Variants in GALNTL6 observed in about 807,000 individuals in gnomAD.
The protein encoded by GALNTL6 is polypeptide N-acetylgalactosaminyltransferase like 6.
A neutral mutation model predicts 73.7 loss-of-function variants in GALNTL6; 46 were observed. The ratio of observed to expected loss-of-function variants is 0.62; its 90% CI spans 0.49 to 0.80. The LOEUF is 0.80. GALNTL6 is among the 30% of genes least tolerant of loss of function. The pLI, the probability that GALNTL6 is intolerant of heterozygous loss-of-function variation, is 0.00. For synonymous variants in GALNTL6, 259 were observed against 263.7 expected, an observed-to-expected ratio of 0.98 and a Z score of 0.17; for missense variants, 604 against 755.0, an observed-to-expected ratio of 0.80 and a Z score of 2.34.
intron 5 of GALNTL6, among the ~76,000 whole-genome samples, chr4:172,701,345 G>C (rs2111291820): frequency 6.6e-6 from 1 of 152,208 alleles, no homozygotes; most frequent in East Asian, 1.9e-4. Context: ...GCAAACAATT[G>C]AAATAGATTC....
chr4:172,533,620 C>G (rs338039), intron 5 of GALNTL6, among the ~76,000 whole-genome samples: 152,065 of 152,188 alleles, frequency 1, 75,971 homozygotes, highest in Middle Eastern at 1. Flanking sequence ...ACCACACTCG[C>G]CAGTAATAAA....
chr4:172,410,889 A>T (rs1327762758), intron 5 of GALNTL6, among the ~76,000 whole-genome samples: 1 of 152,094 alleles, frequency 6.6e-6, no homozygotes, highest in Admixed American at 6.6e-5. Flanking sequence ...TAGAAAATAA[A>T]ATATCTTTAT....
intron 5 of GALNTL6, among the ~76,000 whole-genome samples, chr4:172,802,819 A>C (rs796578072): frequency 8.6e-5 from 13 of 151,874 alleles, no homozygotes; most frequent in African/African-American, 3.1e-4. Flanking sequence ...ACAAACAACA[A>C]CAACAACAAC....
At chr4:172,737,989 T>C (rs1371615634) in intron 5 of GALNTL6, among the ~76,000 whole-genome samples, 1 of 152,160 alleles carries the variant, frequency 6.6e-6, no homozygotes, top group Non-Finnish European at 1.5e-5. Context: ...TTAGTTAGAC[T>C]CTCCTTTGGC....
intron 8 of GALNTL6, among the ~76,000 whole-genome samples, chr4:172,918,446 G>T (rs148907686): frequency 6.6e-6 from 1 of 151,422 alleles, no homozygotes; most frequent in Non-Finnish European, 1.5e-5. Flanking sequence ...CTACATCAAG[G>T]TCAGCAGCCT....
intron 5 of GALNTL6, among the ~76,000 whole-genome samples, chr4:172,367,536 A>C (rs972150613): frequency 6.6e-6 from 1 of 152,126 alleles, no homozygotes; most frequent in Non-Finnish European, 1.5e-5. Context: ...GAATTTCTGC[A>C]TACAGTCTGT....
At chr4:172,845,294 T>G (rs1263069892) in intron 7 of GALNTL6, among the ~76,000 whole-genome samples, 4 of 151,994 alleles carry the variant, frequency 2.6e-5, no homozygotes, top group Non-Finnish European at 5.9e-5. Context: ...GAGAATCAAT[T>G]GCGTAAAAAA....
chr4:172,958,800 C>T (rs1265585791), intron 10 of GALNTL6, among the ~76,000 whole-genome samples: 2 of 151,892 alleles, frequency 1.3e-5, no homozygotes, highest in East Asian at 1.9e-4. Context: ...TAAGTGAAAG[C>T]GAAGAGAGGC....
chr4:171,825,434 A>G (rs528125889), intron 2 of GALNTL6, among the ~76,000 whole-genome samples: 3 of 152,292 alleles, frequency 2.0e-5, no homozygotes, highest in South Asian at 4.1e-4. Context: ...CATTTTTCAG[A>G]TAGCCTAGCA....
At chr4:172,296,604 C>T (rs1330671119) in intron 3 of GALNTL6, among the ~76,000 whole-genome samples, 2 of 152,082 alleles carry the variant, frequency 1.3e-5, no homozygotes. Context: ...TGAGTGAGAA[C>T]ATGTGGTGTT....
At chr4:172,611,339 G>A (rs773615214) in intron 5 of GALNTL6, among the ~76,000 whole-genome samples, 4 of 151,908 alleles carry the variant, frequency 2.6e-5, no homozygotes, top group Non-Finnish European at 4.4e-5. Context: ...TCCACAGTTA[G>A]CATTACCTTA....
chr4:172,204,811 A>G (rs1736057040), intron 2 of GALNTL6, among the ~76,000 whole-genome samples: 1 of 152,174 alleles, frequency 6.6e-6, no homozygotes, highest in South Asian at 2.1e-4. Context: ...TCCTTTGCCA[A>G]CTCATTAAAT....
chr4:171,963,221 G>A (rs528772825), intron 2 of GALNTL6, among the ~76,000 whole-genome samples: 37 of 152,122 alleles, frequency 2.4e-4, no homozygotes, highest in Middle Eastern at 3.4e-3. Context: ...CATTTTATTT[G>A]TGCCATTAAT....
intron 5 of GALNTL6, among the ~76,000 whole-genome samples, chr4:172,730,969 A>G (rs915816784): frequency 6.6e-6 from 1 of 151,886 alleles, no homozygotes; most frequent in African/African-American, 2.4e-5. Flanking sequence ...ACTCCCAGCT[A>G]CTTGGGAGGC....
At chr4:172,604,502 A>G (rs1329095117) in intron 5 of GALNTL6, among the ~76,000 whole-genome samples, 1 of 152,236 alleles carries the variant, frequency 6.6e-6, no homozygotes. Flanking sequence ...GTCAAAATGC[A>G]TAAAGAAAAA....
chr4:172,457,372 T>G (rs1732436792), intron 5 of GALNTL6, among the ~76,000 whole-genome samples: 1 of 152,112 alleles, frequency 6.6e-6, no homozygotes, highest in Non-Finnish European at 1.5e-5. Context: ...ATATTAACCT[T>G]AAATATAAAT....
At chr4:173,032,926 T>C (rs904769994) in intron 12 of GALNTL6, among the ~76,000 whole-genome samples, 1 of 152,208 alleles carries the variant, frequency 6.6e-6, no homozygotes, top group African/African-American at 2.4e-5. Context: ...GAAGGAGGGT[T>C]TGAAGGTTTG....
intron 3 of GALNTL6, among the ~76,000 whole-genome samples, chr4:172,296,407 C>A (rs370878384): frequency 6.6e-6 from 1 of 152,138 alleles, no homozygotes; most frequent in Non-Finnish European, 1.5e-5. Flanking sequence ...TACATGTGCA[C>A]AACGTGCAGG....
At chr4:172,316,646 T>C (rs1740569507) in intron 4 of GALNTL6, among the ~76,000 whole-genome samples, 1 of 152,242 alleles carries the variant, frequency 6.6e-6, no homozygotes, top group Non-Finnish European at 1.5e-5. Context: ...TATACCAGAC[T>C]AATGTAGTCC....
Sources: allele counts gnomAD v4.1 joint callset (sites outside exome capture counted in the v4.1 genomes callset), GRCh38; gene constraint gnomAD v4.1.1; transcripts MANE v1.5; gene names NCBI Gene and HGNC (gene_info 2026-07-23, HGNC 2026-07-21).